VPS26B: variants seen among roughly 807,000 people sequenced by gnomAD.
VPS26B encodes vacuolar protein sorting-associated protein 26B.
VPS26B carries 10 observed loss-of-function variants against 33.3 expected under a neutral mutation model. That is an observed-to-expected ratio of 0.30 (90% CI 0.19 to 0.51). The LOEUF is 0.51. Among genes scored for constraint, VPS26B ranks in the 20% least tolerant of loss-of-function variants. VPS26B has a pLI of 0.98. For synonymous variants in VPS26B, 190 were observed against 176.9 expected (o/e 1.07, Z -0.59); for missense variants, 317 against 452.7 (o/e 0.70, Z 2.72).
intron 1 of VPS26B, among the ~76,000 whole-genome samples, chr11:134,227,366 C>T (rs1938495414): frequency 6.6e-6 from 1 of 152,172 alleles, no homozygotes. Context: ...TGTTGGCAGG[C>T]ATGTTTAGTC....
At position 134,243,192 on chromosome 11, in the gene VPS26B, A is replaced by G. The variant is rs1255082256; in HGVS notation, c.619A>G (p.Ile207Val). The G allele has an allele frequency of 6.2e-7, 1 of 1,614,120 alleles. No individual in the cohort carries two copies. Among genetic ancestry groups the G allele is most frequent in the East Asian group, 2.2e-5 (1 of 44,868 alleles). The change falls in exon 4 of 6, where the codon ATA becomes GTA. Residue 207 changes from isoleucine to valine, a missense_variant. Ile to Val is a conservative substitution (Grantham distance 29, BLOSUM62 3). Transcript: ENST00000281187. ...LVRIKIKHME[I>V]DIIKRETTGT... ...GAGAATCAAAATCAAGCACATGGAG[A>G]TAGACATCATCAAGCGAGAAACGAC...
chr11:134,235,141 T>A, intron 2 of VPS26B, 88 bp downstream of exon 2: 1 of 1,468,510 alleles, frequency 6.8e-7, no homozygotes, highest in Non-Finnish European at 9.2e-7. Flanking sequence ...TTGAGAATCT[T>A]CACAGGGATC....
At position 134,247,558 on chromosome 11, in the gene VPS26B, A is replaced by T. The variant is rs550082729; in HGVS notation, c.*1968A>T. On this transcript the variant is annotated 3_prime_UTR_variant, in exon 6 of 6. Transcript: ENST00000281187. ...CCCACATTCTTGCCTTCTCTATCCA[A>T]CTGTGAAAGTGAGGGGAGGCTCCTG... is the stretch of plus-strand genomic sequence containing the variant. The T allele has an allele frequency of 6.5e-6, 1 of 152,692 alleles. No individual in the cohort carries two copies. Among genetic ancestry groups the T allele is most frequent in the East Asian group, 1.9e-4 (1 of 5,174 alleles). 9.5% of individuals were successfully genotyped at this position (152,692 alleles called of 1,614,324 possible).
chr11:134,237,036 C>T (rs974112702), intron 2 of VPS26B, among the ~76,000 whole-genome samples: 1 of 152,070 alleles, frequency 6.6e-6, no homozygotes. Context: ...ATTCATGTTG[C>T]GAAAGAGAGG....
chr11:134,237,384 C>CAG (rs1277257651), intron 2 of VPS26B, among the ~76,000 whole-genome samples: 1 of 152,156 alleles, frequency 6.6e-6, no homozygotes, highest in Non-Finnish European at 1.5e-5. Context: ...GAGATGGAGA[C>CAG]AGAGGGCTAT....
Position 134,242,470 on chromosome 11 carries a change from G to T in VPS26B, c.546-649G>T, listed in dbSNP as rs183440244. 7.0e-3 allele frequency among the ~76,000 whole-genome samples: 1,059 copies of T among 152,316 alleles called. 14 individuals carry two copies. The highest frequency in any genetic ancestry group is 0.024 in the African/African-American group (1,008 of 41,562). On this transcript the variant is annotated intron_variant, in intron 3 of 5. Coordinates refer to ENST00000281187, the MANE Select transcript of VPS26B (RefSeq NM_052875.5). ...AGCATCAGGTTTTAAGATTTTACTC[G>T]TTCTCTCATGCCTGATACGGGCTGT...
In VPS26B at chr11:134,244,711, T is replaced by C. The variant is rs1938783995; in HGVS notation, c.722-227T>C. On this transcript the variant is annotated intron_variant, in intron 4 of 5. Transcript: ENST00000281187. This position sits in a 1 kb window ranked among gnomAD's most constrained non-coding sequence, Gnocchi z 4.0. ...GTGCTGTTCCCACTCAGTTGCTCTC[T>C]GTTTTCGAGAAGACATGAGAAGCTG... 1.9e-6 allele frequency: 1 copy of C among 532,920 alleles called. No individual in the cohort carries two copies. Among genetic ancestry groups the C allele is most frequent in the Non-Finnish European group, 3.3e-6 (1 of 303,756 alleles). 33.0% of individuals were successfully genotyped at this position (532,920 alleles called of 1,614,324 possible). A position where few individuals can be genotyped will look rare whatever the true frequency, so the allele number is the denominator to read the frequency against.
Position 134,235,006 on chromosome 11 carries a change from C to T in VPS26B, c.333C>T (p.His111=), listed in dbSNP as rs758816058. ...AGGCCTTCGACTTTGAGTTTACCCA[C>T]GTGGAGAAGCCGTATGAGTCCTACA... The part of the protein sequence containing the change: ...QSQAFDFEFT[H]VEKPYESYTG... Residue 111 remains histidine (H), a synonymous_variant, in exon 2 of 6, where the codon CAC becomes CAT. Transcript: ENST00000281187. 28 of 1,614,016 alleles carry T rather than the reference C, an allele frequency of 1.7e-5. No individual in the cohort carries two copies. Among genetic ancestry groups the T allele is most frequent in the African/African-American group, 8.0e-5 (6 of 74,920 alleles).
intron 1 of VPS26B, among the ~76,000 whole-genome samples, chr11:134,233,899 A>G (rs2136048313): frequency 6.6e-6 from 1 of 152,150 alleles, no homozygotes; most frequent in African/African-American, 2.4e-5. Flanking sequence ...AAAATAATAT[A>G]GGACAAATGG....
At chr11:134,234,554 G>A (rs999199623) in intron 1 of VPS26B, among the ~76,000 whole-genome samples, 3 of 152,164 alleles carry the variant, frequency 2.0e-5, no homozygotes, top group Admixed American at 6.5e-5. Context: ...ATATCCTTTC[G>A]GAAGTTGGAA....
chr11:134,244,078 G>A lies in VPS26B; in HGVS notation c.721+784G>A, dbSNP rs368677111. On this transcript the variant is annotated intron_variant, in intron 4 of 5. Coordinates refer to ENST00000281187, the MANE Select transcript of VPS26B (RefSeq NM_052875.5). This position sits in a 1 kb window ranked among gnomAD's most constrained non-coding sequence, Gnocchi z 4.0. ...GCTGCCTGCAGCTCTGGGGACACGC[G>A]GGTGTTACCATGCCAGGCCCTTGGA... The A allele has an allele frequency of 1.3e-5, 2 of 152,326 alleles. No homozygotes were observed. Among genetic ancestry groups the A allele is most frequent in the South Asian group, 4.1e-4 (2 of 4,830 alleles). 9.4% of individuals were successfully genotyped at this position (152,326 alleles called of 1,614,324 possible). A position where few individuals can be genotyped will look rare whatever the true frequency, so the allele number is the denominator to read the frequency against.
At chr11:134,226,298 C>CG (rs969769329) in intron 1 of VPS26B, among the ~76,000 whole-genome samples, 30 of 152,086 alleles carry the variant, frequency 2.0e-4, no homozygotes, top group African/African-American at 7.2e-4. Context: ...CCTAGCTCCT[C>CG]GGGGGGCTAA....
At chr11:134,226,187 G>C (rs562731697) in intron 1 of VPS26B, among the ~76,000 whole-genome samples, 9 of 152,258 alleles carry the variant, frequency 5.9e-5, no homozygotes, top group African/African-American at 2.2e-4. Context: ...GATTGCTTGA[G>C]GCCAGGAGTT....
rs1938790750 is a variant in VPS26B, at chr11:134,245,158, CCA to C, written c.864+79_864+80del. Reference sequence around the variant, plus strand: ...TCTCTTTCCTATGGAAGGTCAGACTCCATTTTTGCCAAGAGGTGGGAACATTA... The same window carrying C: ...TCTCTTTCCTATGGAAGGTCAGACTCTTTTTGCCAAGAGGTGGGAACATTA... On this transcript the variant is annotated intron_variant, in intron 5 of 5. Transcript: ENST00000281187. This position sits in a 1 kb window ranked among gnomAD's most constrained non-coding sequence, Gnocchi z 4.7. 1 of 1,548,520 alleles carries C rather than the reference CCA, an allele frequency of 6.5e-7. No homozygotes were observed. Among genetic ancestry groups the C allele is most frequent in the African/African-American group, 1.4e-5 (1 of 72,784 alleles).
intron 3 of VPS26B, among the ~76,000 whole-genome samples, chr11:134,241,364 G>A (rs940188285): frequency 1.3e-5 from 2 of 152,210 alleles, no homozygotes; most frequent in Admixed American, 6.5e-5. Context: ...GAGGAATGGT[G>A]TGTTTTTTCC....
rs760461423 is a variant in VPS26B, at chr11:134,225,230, A to G, written c.108A>G (p.Lys36=). The G allele has an allele frequency of 3.0e-5, 48 of 1,613,954 alleles. No homozygotes were observed. Among genetic ancestry groups the G allele is most frequent in the Non-Finnish European group, 3.8e-5 (45 of 1,179,992 alleles). ...EHKTEDGKKE[K]YFLFYDGETV... ...AGACGGAGGACGGGAAGAAGGAGAA[A>G]TATTTCCTCTTCTACGACGGGGAGA... is the stretch of plus-strand genomic sequence containing the variant. The change falls in exon 1 of 6, where the codon AAA becomes AAG. Residue 36 remains lysine (K), a synonymous_variant. Coordinates refer to ENST00000281187, the MANE Select transcript of VPS26B (RefSeq NM_052875.5).
Position 134,246,340 on chromosome 11 carries a change from C to CA in VPS26B, c.*752dup, listed in dbSNP as rs2136055337. On this transcript the variant is annotated 3_prime_UTR_variant, in exon 6 of 6. Coordinates refer to ENST00000281187, the MANE Select transcript of VPS26B (RefSeq NM_052875.5). Reference sequence around the variant, plus strand: ...CCCACCACGGAAGATGAGTGCATGGCAACCGCCTGCCTTCACGTCGCTCCA... The same window carrying CA: ...CCCACCACGGAAGATGAGTGCATGGCAAACCGCCTGCCTTCACGTCGCTCCA... 1 of 152,536 alleles carries CA rather than the reference C, an allele frequency of 6.6e-6. No individual in the cohort carries two copies. Among genetic ancestry groups the CA allele is most frequent in the South Asian group, 2.1e-4 (1 of 4,830 alleles). 9.4% of individuals were successfully genotyped at this position (152,536 alleles called of 1,614,324 possible).
At chr11:134,242,113 G>A (rs1938735617) in intron 3 of VPS26B, among the ~76,000 whole-genome samples, 1 of 152,250 alleles carries the variant, frequency 6.6e-6, no homozygotes, top group African/African-American at 2.4e-5. Context: ...TGATTTGTAG[G>A]AGTTTGAAAA....
Position 134,245,186 on chromosome 11 carries a change from G to C in VPS26B, c.864+106G>C, listed in dbSNP as rs2136054619. On this transcript the variant is annotated intron_variant, in intron 5 of 5. Transcript: ENST00000281187. This position sits in a 1 kb window ranked among gnomAD's most constrained non-coding sequence, Gnocchi z 4.7. ...TTTTTGCCAAGAGGTGGGAACATTAGGTCGCCCACAATTGCACAACAAGAA... is the reference window on the plus strand; with the variant it reads ...TTTTTGCCAAGAGGTGGGAACATTACGTCGCCCACAATTGCACAACAAGAA... 6.8e-7 allele frequency: 1 copy of C among 1,470,726 alleles called. No individual in the cohort carries two copies. Among genetic ancestry groups the C allele is most frequent in the Non-Finnish European group, 9.1e-7 (1 of 1,102,336 alleles). 91.1% of individuals were successfully genotyped at this position (1,470,726 alleles called of 1,614,324 possible).
Sources: gnomAD v4.1 joint callset for allele counts (sites outside exome capture counted in the v4.1 genomes callset) on GRCh38, gnomAD v4.1.1 for gene constraint, Gnocchi (gnomAD v3.1) non-coding constraint, MANE v1.5 for transcripts, NCBI Gene and HGNC (gene_info 2026-07-23, HGNC 2026-07-21) for gene names.